The following MCM6 variants were observed in gnomAD, a reference collection of about 807,000 sequenced individuals.
MCM6 encodes minichromosome maintenance complex component 6, also known as DNA replication licensing factor MCM6.
Under a neutral mutation model 94.3 loss-of-function variants are expected in MCM6, and 46 were observed. That is an observed-to-expected ratio of 0.49 (90% CI 0.39 to 0.62). The LOEUF is 0.62. Among genes scored for constraint, MCM6 ranks in the 20% least tolerant of loss-of-function variants. MCM6 has a pLI of 0.00. For missense variants in MCM6, 865 were observed against 1,017.9 expected (o/e 0.85, Z 2.04); for synonymous variants, 335 against 351.9 (o/e 0.95, Z 0.54).
chr2:135,853,549 C>T (rs1679814697), intron 11 of MCM6, among the ~76,000 whole-genome samples: 1 of 152,082 alleles, frequency 6.6e-6, no homozygotes, highest in Admixed American at 6.5e-5. Flanking sequence ...ATGCAATCCT[C>T]ACAAAAATTT....
At position 135,865,099 on chromosome 2, in the gene MCM6, AC is replaced by A; in HGVS notation, c.991del (p.Val331Ter). On this transcript the variant is annotated frameshift_variant, in exon 7 of 17. Transcript: ENST00000264156. LOFTEE classifies it high-confidence loss of function. ...TAESIKNQMT[V>X]KEWEKVFEMS... ...CTCAAACACTTTCTCCCATTCTTTCACAGTCATTTGGTTCTTAATGCTCTCA... is the reference window on the plus strand; with the variant it reads ...CTCAAACACTTTCTCCCATTCTTTCAAGTCATTTGGTTCTTAATGCTCTCA... The A allele has an allele frequency of 6.3e-7, 1 of 1,582,912 alleles. No individual in the cohort carries two copies. Among genetic ancestry groups the A allele is most frequent in the Non-Finnish European group, 8.6e-7 (1 of 1,165,208 alleles).
In MCM6 at chr2:135,876,260, C is replaced by G. The variant is rs769402048; in HGVS notation, c.106G>C (p.Glu36Gln). The G allele has an allele frequency of 2.5e-6, 4 of 1,602,212 alleles. No individual in the cohort carries two copies. Among genetic ancestry groups the G allele is most frequent in the African/African-American group, 1.4e-5 (1 of 73,778 alleles). The change falls in exon 1 of 17, where the codon GAG becomes CAG. Residue 36 changes from glutamate (E) to glutamine (Q), a missense_variant and splice_region_variant. Physicochemically the swap from Glu to Gln is conservative, Grantham distance 29. Coordinates refer to ENST00000264156, the MANE Select transcript of MCM6 (RefSeq NM_005915.6). ...GGCCCGGGGCGCTCGCCGACTTACT[C>G]CTCCAAGAAGTCCAGGAACAGTTTC... ...CQKLFLDFLE[E>Q]FQSSDGEIKY...
At chr2:135,853,509 C>G (rs1332533835) in intron 11 of MCM6, among the ~76,000 whole-genome samples, 1 of 152,148 alleles carries the variant, frequency 6.6e-6, no homozygotes, top group Non-Finnish European at 1.5e-5. Context: ...AGACACTGTT[C>G]TCTTAGGCAG....
chr2:135,850,910 G>C (rs1444961718), intron 13 of MCM6, among the ~76,000 whole-genome samples: 1 of 152,182 alleles, frequency 6.6e-6, no homozygotes, highest in Non-Finnish European at 1.5e-5. Flanking sequence ...GGGCTGCTTT[G>C]GTTGAAGCGA....
chr2:135,850,521 G>A (rs1679761089), intron 13 of MCM6, among the ~76,000 whole-genome samples: 2 of 152,098 alleles, frequency 1.3e-5, no homozygotes, highest in South Asian at 2.1e-4. Flanking sequence ...AATATTGGGT[G>A]AATCAAAGAA....
intron 15 of MCM6, among the ~76,000 whole-genome samples, 192 bp downstream of exon 15, chr2:135,846,045 A>G (rs988893117): frequency 5.3e-5 from 8 of 152,224 alleles, no homozygotes; most frequent in Non-Finnish European, 1.0e-4. Context: ...GCCTGACAAT[A>G]AGCTTGTGAA....
intron 14 of MCM6, 29 bp from the exon 15 acceptor site, chr2:135,846,421 T>C: frequency 6.2e-7 from 1 of 1,608,056 alleles, no homozygotes; most frequent in Non-Finnish European, 8.5e-7. Flanking sequence ...ACCTGAATCT[T>C]ATTTTTGTGC....
chr2:135,868,709 T>C lies in MCM6; in HGVS notation c.517A>G (p.Lys173Glu). The change falls in exon 4 of 17, where the codon AAA becomes GAA. Residue 173 changes from lysine to glutamate, a missense_variant. By Grantham distance (56) the Lys-to-Glu change is moderately conservative. This residue lies in a region of MCM6 where 404 missense variants were observed against 451.9 expected (regional missense o/e 0.89). Coordinates refer to ENST00000264156, the MANE Select transcript of MCM6 (RefSeq NM_005915.6). ...TVIRDVEQQF[K>E]YTQPNICRNP... is the part of the protein sequence containing the mutation. The stretch of plus-strand genomic sequence containing the variant: ...CGGCAGATGTTTGGCTGTGTGTATT[T>C]GAACTGCTGTTCTACATCCCTGATC... The C allele has an allele frequency of 1.2e-6, 2 of 1,614,238 alleles. No individual in the cohort carries two copies. The highest frequency in any genetic ancestry group is 8.5e-7 in the Non-Finnish European group (1 of 1,180,038).
chr2:135,859,211 G>A, intron 9 of MCM6, 90 bp downstream of exon 9: 1 of 1,095,078 alleles, frequency 9.1e-7, no homozygotes. Flanking sequence ...TGTTTTTAAG[G>A]ACATCTTTTT....
intron 10 of MCM6, 132 bp from the exon 11 acceptor site, chr2:135,857,015 C>T (rs1679903652): frequency 1.4e-6 from 1 of 739,574 alleles, no homozygotes; most frequent in Admixed American, 3.1e-5. Flanking sequence ...TTCACATAAA[C>T]AGGAACTCCT....
At chr2:135,873,461 C>A (rs309130) in intron 1 of MCM6, among the ~76,000 whole-genome samples, 76,192 of 152,080 alleles carry the variant, frequency 0.5, 23,213 homozygotes, top group Non-Finnish European at 0.7. Context: ...CCCAAGACTT[C>A]GGGAAAATTG....
At position 135,871,470 on chromosome 2, in the gene MCM6, C is replaced by T. The variant is rs183484519; in HGVS notation, c.255-1109G>A. ...ATCTCCTAATCTACTAAGAAATGAACGAGACTGTGCCTCCTTATCCCTGGG... is the reference window on the plus strand; with the variant it reads ...ATCTCCTAATCTACTAAGAAATGAATGAGACTGTGCCTCCTTATCCCTGGG... On this transcript the variant is annotated intron_variant, in intron 2 of 16. Coordinates refer to ENST00000264156, the MANE Select transcript of MCM6 (RefSeq NM_005915.6). Among the ~76,000 whole-genome samples the T allele has an allele frequency of 1.5e-4, 23 of 152,314 alleles. 1 individual carries two copies. Among genetic ancestry groups the T allele is most frequent in the East Asian group, 1.9e-4 (1 of 5,194 alleles).
rs528248118 is a variant in MCM6, at chr2:135,868,194, T to C, written c.615+417A>G. Among the ~76,000 whole-genome samples the C allele has an allele frequency of 2.6e-5, 4 of 152,336 alleles. No individual in the cohort carries two copies. In the South Asian group the frequency reaches 8.3e-4, roughly 32 times the overall value. ...AATCATCTCTCAGATGATCTCCAATTTGGCTCCTTTACTTCAATCATGATA... is the reference window on the plus strand; with the variant it reads ...AATCATCTCTCAGATGATCTCCAATCTGGCTCCTTTACTTCAATCATGATA... On this transcript the variant is annotated intron_variant, in intron 4 of 16. Coordinates refer to ENST00000264156, the MANE Select transcript of MCM6 (RefSeq NM_005915.6).
In MCM6 at chr2:135,840,732, C is replaced by T. The variant is rs1470375119; in HGVS notation, c.*103G>A. Reference sequence around the variant, plus strand: ...TTCTGAAAACAAATCCTGGAAGCATCACTTCCAGAAACACTTCTGTCCCTA... The same window carrying T: ...TTCTGAAAACAAATCCTGGAAGCATTACTTCCAGAAACACTTCTGTCCCTA... On this transcript the variant is annotated 3_prime_UTR_variant, in exon 17 of 17. Transcript: ENST00000264156. 3 of 735,548 alleles carry T rather than the reference C, an allele frequency of 4.1e-6. No homozygotes were observed. Among genetic ancestry groups the T allele is most frequent in the Non-Finnish European group, 7.1e-6 (3 of 423,132 alleles). 45.6% of individuals were successfully genotyped at this position (735,548 alleles called of 1,614,324 possible). A position where few individuals can be genotyped will look rare whatever the true frequency, so the allele number is the denominator to read the frequency against.
intron 2 of MCM6, among the ~76,000 whole-genome samples, chr2:135,870,803 G>C (rs374851873): frequency 2.0e-5 from 3 of 152,312 alleles, no homozygotes; most frequent in South Asian, 2.1e-4. Context: ...CTGGAGTGCA[G>C]TGGCACGATC....
rs1452688224 is a variant in MCM6 at position 135,865,110 on chromosome 2, G to T, written c.981C>A (p.Asn327Lys). 6.3e-7 allele frequency: 1 copy of T among 1,582,600 alleles called. No homozygotes were observed. The highest frequency in any genetic ancestry group is 2.3e-5 in the East Asian group (1 of 43,988). Residue 327 changes from asparagine to lysine, a missense_variant, in exon 7 of 17, where the codon AAC becomes AAA. Around this residue, in one of 3 missense-constraint regions of MCM6, gnomAD observed 404 missense variants for 451.9 expected, o/e 0.89. Coordinates refer to ENST00000264156, the MANE Select transcript of MCM6 (RefSeq NM_005915.6). The stretch of plus-strand genomic sequence containing the variant: ...TCTCCCATTCTTTCACAGTCATTTG[G>T]TTCTTAATGCTCTCAGCTGTCTGTT... The part of the protein sequence containing the change: ...DEEQTAESIK[N>K]QMTVKEWEKV...
In MCM6 at chr2:135,840,899, C is replaced by CCA; in HGVS notation, c.2401_2402insTG (p.Gly801ValfsTer13). On this transcript the variant is annotated frameshift_variant, in exon 17 of 17. Transcript: ENST00000264156. LOFTEE classifies it high-confidence loss of function. ...GGGATCTTCTTCATAGCTCTCACTT[C>CCA]CCTCTGTGGAGCCTTTCAATCCAGC... 6.2e-7 allele frequency: 1 copy of CCA among 1,614,180 alleles called. No individual in the cohort carries two copies. The highest frequency in any genetic ancestry group is 8.5e-7 in the Non-Finnish European group (1 of 1,180,010).
At chr2:135,862,563 T>G in intron 8 of MCM6, 44 bp downstream of exon 8, 1 of 1,609,356 alleles carries the variant, frequency 6.2e-7, no homozygotes, top group Middle Eastern at 1.7e-4. Context: ...GCCTGGGAAC[T>G]ATGTACACTT....
At chr2:135,849,949 T>C (rs1679743231) in intron 13 of MCM6, among the ~76,000 whole-genome samples, 1 of 152,176 alleles carries the variant, frequency 6.6e-6, no homozygotes, top group Admixed American at 6.5e-5. Context: ...GAAAATATAT[T>C]TGTGTATATA....
Sources: gnomAD v4.1 joint callset for allele counts (sites outside exome capture counted in the v4.1 genomes callset) on GRCh38, gnomAD v4.1.1 for gene constraint, gnomAD v4.1.1 regional missense constraint, MANE v1.5 for transcripts, NCBI Gene and HGNC (gene_info 2026-07-23, HGNC 2026-07-21) for gene names.